Variants in NEU3 observed in about 807,000 individuals in gnomAD.
The protein encoded by NEU3 is sialidase-3.
Under a neutral mutation model 11.4 loss-of-function variants are expected in NEU3, and 10 were observed. The ratio of observed to expected loss-of-function variants is 0.88; its 90% CI spans 0.54 to 1.49. NEU3 has a LOEUF of 1.49. NEU3 is among the 40% of genes most tolerant of loss of function. NEU3 has a pLI of 0.00. For synonymous variants in NEU3, 212 were observed against 228.2 expected (o/e 0.93, Z 0.64); for missense variants, 529 against 581.8 (o/e 0.91, Z 0.93).
In NEU3 at chr11:75,006,912, C is replaced by T. The variant is rs1948905836; in HGVS notation, c.*420C>T. ...TCAAAATGGAAACCAGGGGACTTAC[C>T]TTTTCACATGACTTACCCCTCATCC... On this transcript the variant is annotated 3_prime_UTR_variant, in exon 3 of 3. Coordinates refer to ENST00000294064, the MANE Select transcript of NEU3 (RefSeq NM_006656.6). 7 of 160,820 alleles carry T rather than the reference C, an allele frequency of 4.4e-5. No individual in the cohort carries two copies. In the South Asian group the frequency reaches 1.3e-3, roughly 29 times the overall value. The allele number at this position is 160,820 out of a possible 1,614,324, so 10.0% of individuals were successfully genotyped here.
chr11:74,999,939 C>G (rs1295550106), intron 2 of NEU3, among the ~76,000 whole-genome samples: 9 of 152,158 alleles, frequency 5.9e-5, no homozygotes, highest in Non-Finnish European at 1.2e-4. Context: ...AGGGCACAGT[C>G]CTGATTTGGT....
intron 2 of NEU3, among the ~76,000 whole-genome samples, chr11:74,998,837 G>A (rs1197795823): frequency 6.6e-6 from 1 of 152,200 alleles, no homozygotes; most frequent in African/African-American, 2.4e-5. Context: ...ACTTCTGCAT[G>A]TATAACTAGC....
intron 1 of NEU3, among the ~76,000 whole-genome samples, chr11:74,994,063 G>A (rs1363841371): frequency 6.6e-6 from 1 of 152,062 alleles, no homozygotes; most frequent in African/African-American, 2.4e-5. Flanking sequence ...AAGACAAAGA[G>A]ATTGCCTTTT....
downstream of NEU3, chr11:75,019,014 CT>C (rs1467192418): frequency 1.3e-5 from 2 of 152,256 alleles, no homozygotes; most frequent in African/African-American, 2.4e-5. Flanking sequence ...TATTTTGCCC[CT>C]GCCCTAGAGA....
upstream of NEU3, among the ~76,000 whole-genome samples, chr11:74,983,475 T>C (rs1948650793): frequency 3.3e-5 from 5 of 152,174 alleles, no homozygotes; most frequent in Non-Finnish European, 7.3e-5. Context: ...CAAGGTGAAA[T>C]ATCCTGAGTA....
At chr11:74,999,971 G>A (rs1388715817) in intron 2 of NEU3, among the ~76,000 whole-genome samples, 2 of 152,162 alleles carry the variant, frequency 1.3e-5, no homozygotes, top group Non-Finnish European at 2.9e-5. Flanking sequence ...TGAAAATTGT[G>A]ATTACTGTCG....
rs1215632513 is a variant in NEU3 at position 74,989,887 on chromosome 11, A to G, written c.94+733A>G. The G allele has an allele frequency of 4.4e-6, 3 of 684,932 alleles. No homozygotes were observed. In the African/African-American group the frequency reaches 5.3e-5, roughly 12 times the overall value. 42.4% of individuals were successfully genotyped at this position (684,932 alleles called of 1,614,324 possible). A position where few individuals can be genotyped will look rare whatever the true frequency, so the allele number is the denominator to read the frequency against. On this transcript the variant is annotated intron_variant, in intron 1 of 2. Coordinates refer to ENST00000294064, the MANE Select transcript of NEU3 (RefSeq NM_006656.6). ...GGGAAAGTGATTATATCGAGCAGCAAGTAATCATTTGAATTCTCTGCTTAA... is the reference window on the plus strand; with the variant it reads ...GGGAAAGTGATTATATCGAGCAGCAGGTAATCATTTGAATTCTCTGCTTAA...
At chr11:74,987,118 T>C (rs149096666), upstream of NEU3, among the ~76,000 whole-genome samples, 401 of 152,320 alleles carry the variant, frequency 2.6e-3, 2 homozygotes, top group African/African-American at 9.3e-3. Context: ...ATTCTATCAT[T>C]CATTTGGCAT....
At chr11:74,985,923 G>T (rs1333077571), upstream of NEU3, among the ~76,000 whole-genome samples, 1 of 152,212 alleles carries the variant, frequency 6.6e-6, no homozygotes, top group Non-Finnish European at 1.5e-5. Context: ...AAATCATACT[G>T]CAATCAAACA....
Position 75,010,746 on chromosome 11 carries a change from A to G in NEU3, c.*4254A>G, listed in dbSNP as rs1948949681. The G allele has an allele frequency of 6.6e-6, 1 of 152,090 alleles. No homozygotes were observed. 9.4% of individuals were successfully genotyped at this position (152,090 alleles called of 1,614,324 possible). On this transcript the variant is annotated 3_prime_UTR_variant, in exon 3 of 3. Transcript: ENST00000294064. ...CCCTCTGTCCCTAATTGGGTTTTCTATAGTTACTAGTTTTCCAGGCCTCCA... is the reference window on the plus strand; with the variant it reads ...CCCTCTGTCCCTAATTGGGTTTTCTGTAGTTACTAGTTTTCCAGGCCTCCA...
Position 74,988,935 on chromosome 11 carries a change from TCGACA to T in NEU3, c.-123_-119del. ...CGTTGCCGTTACCTGTTTCCGGCAG[TCGACA>T]CGCTCTTCGCTTCTCGGGGCTTGTC... On this transcript the variant is annotated 5_prime_UTR_variant, in exon 1 of 3. Coordinates refer to ENST00000294064, the MANE Select transcript of NEU3 (RefSeq NM_006656.6). 3 of 751,490 alleles carry T rather than the reference TCGACA, an allele frequency of 4.0e-6. No individual in the cohort carries two copies. The highest frequency in any genetic ancestry group is 5.5e-5 in the Admixed American group (2 of 36,480). The allele number at this position is 751,490 out of a possible 1,614,324, so 46.6% of individuals were successfully genotyped here.
intron 1 of NEU3, among the ~76,000 whole-genome samples, chr11:74,993,538 G>A (rs1375073502): frequency 6.6e-6 from 1 of 152,192 alleles, no homozygotes; most frequent in Admixed American, 6.5e-5. Flanking sequence ...AGGATGGCAT[G>A]TGAAATACTC....
intron 3 of NEU3, among the ~76,000 whole-genome samples, chr11:75,015,983 G>A (rs1406838323): frequency 1.3e-5 from 2 of 152,182 alleles, no homozygotes; most frequent in African/African-American, 2.4e-5. Context: ...GGGCTCAGCC[G>A]AGGACTGGAT....
chr11:75,005,829 A>AG lies in NEU3; in HGVS notation c.727dup (p.Val243GlyfsTer7), dbSNP rs767180765. On this transcript the variant is annotated frameshift_variant, in exon 3 of 3. Transcript: ENST00000294064. LOFTEE classifies it low-confidence loss of function (END_TRUNC). ...CTCTGATGATCTACAGTGATGACCT[A>AG]GGGGTCACATGGCACCATGGTAGAC... 19 of 1,613,832 alleles carry AG rather than the reference A, an allele frequency of 1.2e-5. No individual in the cohort carries two copies. Among genetic ancestry groups the AG allele is most frequent in the Non-Finnish European group, 1.6e-5 (19 of 1,179,844 alleles).
intron 1 of NEU3, among the ~76,000 whole-genome samples, chr11:74,992,960 C>A (rs1316364133): frequency 2.6e-5 from 4 of 151,196 alleles, no homozygotes; most frequent in African/African-American, 9.7e-5. Context: ...AACTCCGTCT[C>A]AAAAGAAAAA....
In NEU3 at chr11:75,005,645, A is replaced by G. The variant is rs969345096; in HGVS notation, c.539A>G (p.Glu180Gly). ...AGTGAGGTGAGGGACTTGACTGAGG[A>G]GGTCATTGGCTCAGAGCTGAAGCAC... is the stretch of plus-strand genomic sequence containing the variant. ...SWSEVRDLTE[E>G]VIGSELKHWA... Residue 180 changes from glutamate to glycine, a missense_variant, in exon 3 of 3, where the codon GAG becomes GGG. Glu to Gly is a moderately conservative substitution (Grantham distance 98). Coordinates refer to ENST00000294064, the MANE Select transcript of NEU3 (RefSeq NM_006656.6). The G allele has an allele frequency of 1.2e-6, 2 of 1,613,954 alleles. No homozygotes were observed. The highest frequency in any genetic ancestry group is 1.7e-6 in the Non-Finnish European group (2 of 1,179,884).
At chr11:75,002,410 A>G (rs935779935) in intron 2 of NEU3, among the ~76,000 whole-genome samples, 2 of 152,194 alleles carry the variant, frequency 1.3e-5, no homozygotes, top group Non-Finnish European at 2.9e-5. Flanking sequence ...TATAGCTGAA[A>G]AATAAAAAAA....
In NEU3 at chr11:75,007,692, T is replaced by G. The variant is rs1948912595; in HGVS notation, c.*1200T>G. On this transcript the variant is annotated 3_prime_UTR_variant, in exon 3 of 3. Transcript: ENST00000294064. ...TACTTGTGAAGTAGAGATGCCTTTT[T>G]GTCTAATGGTTTTCGTGCTGAACTT... The G allele has an allele frequency of 6.6e-6, 1 of 152,208 alleles. No individual in the cohort carries two copies. The highest frequency in any genetic ancestry group is 2.1e-4 in the South Asian group (1 of 4,826). The allele number at this position is 152,208 out of a possible 1,614,324, so 9.4% of individuals were successfully genotyped here.
chr11:74,988,870 C>T, upstream of NEU3: 3 of 584,574 alleles, frequency 5.1e-6, no homozygotes, highest in Non-Finnish European at 9.1e-6. Context: ...CAACGGTTGG[C>T]CCCAACCGCC....
Sources: gnomAD v4.1 joint callset for allele counts (sites outside exome capture counted in the v4.1 genomes callset) on GRCh38, gnomAD v4.1.1 for gene constraint, MANE v1.5 for transcripts, NCBI Gene and HGNC (gene_info 2026-07-23, HGNC 2026-07-21) for gene names.